Variants in RIMBP2 observed in about 807,000 individuals in gnomAD.
RIMBP2 encodes the protein RIMS binding protein 2, also known as RIMS-binding protein 2.
Under a neutral mutation model 118.6 loss-of-function variants are expected in RIMBP2, and 48 were observed. The ratio of observed to expected loss-of-function variants is 0.40; its 90% CI spans 0.32 to 0.51. RIMBP2 has a LOEUF of 0.51. RIMBP2 is among the 20% of genes least tolerant of loss of function. RIMBP2 has a pLI of 0.41. For synonymous variants in RIMBP2, 762 were observed against 742.9 expected (o/e 1.03, Z -0.42); for missense variants, 1,551 against 1,768.3 (o/e 0.88, Z 2.20).
At chr12:130,696,069 T>C (rs1449807759) in intron 1 of RIMBP2, among the ~76,000 whole-genome samples, 1 of 152,192 alleles carries the variant, frequency 6.6e-6, no homozygotes, top group Non-Finnish European at 1.5e-5. Flanking sequence ...GGGCAACTGA[T>C]CACCTACTAA....
At chr12:130,711,386 T>C (rs980543394) in intron 1 of RIMBP2, among the ~76,000 whole-genome samples, 5 of 152,248 alleles carry the variant, frequency 3.3e-5, no homozygotes, top group South Asian at 4.1e-4. Flanking sequence ...ATTTTCTAAT[T>C]TACTAATACT....
Position 130,655,860 on chromosome 12 carries a change from G to A in RIMBP2, c.-351-27404C>T, listed in dbSNP as rs117527077. Among the ~76,000 whole-genome samples, 83 of 152,344 alleles carry A rather than the reference G, an allele frequency of 5.4e-4. No homozygotes were observed. The East Asian group carries it at 0.01, about 18-fold the overall frequency. ...CAGAGCAGCTCAGGTCAAGGCACAG[G>A]CGACGGGAATGTGGGCGGAGGCACC... On this transcript the variant is annotated intron_variant, in intron 1 of 22. Transcript: ENST00000690449.
chr12:130,452,019 C>T (rs1035331446), intron 7 of RIMBP2, among the ~76,000 whole-genome samples: 6 of 152,152 alleles, frequency 3.9e-5, no homozygotes, highest in Admixed American at 1.3e-4. Context: ...GGCTGCTGAG[C>T]CCTGTCCTGG....
At chr12:130,695,558 A>C (rs1566463534) in intron 1 of RIMBP2, among the ~76,000 whole-genome samples, 1 of 152,098 alleles carries the variant, frequency 6.6e-6, no homozygotes, top group Non-Finnish European at 1.5e-5. Flanking sequence ...CCTGGGAGGG[A>C]GGGTGGTACA....
intron 4 of RIMBP2, among the ~76,000 whole-genome samples, chr12:130,482,105 C>G (rs1387694186): frequency 1.3e-5 from 2 of 152,180 alleles, no homozygotes; most frequent in East Asian, 3.9e-4. Context: ...GGGAACTCTT[C>G]TCCAAACCCT....
intron 7 of RIMBP2, among the ~76,000 whole-genome samples, chr12:130,453,226 GC>G (rs10706121): frequency 0.088 from 13,392 of 152,246 alleles, 747 homozygotes; most frequent in South Asian, 0.16. Flanking sequence ...AGCAACGCCT[GC>G]CCTCACATAC....
intron 1 of RIMBP2, among the ~76,000 whole-genome samples, chr12:130,666,689 G>C (rs1355728675): frequency 6.8e-6 from 1 of 148,098 alleles, no homozygotes; most frequent in African/African-American, 2.5e-5. Flanking sequence ...GAAGGACAAG[G>C]GAATGAGGAG....
rs1003243138 is a variant in RIMBP2 at position 130,648,974 on chromosome 12, G to T, written c.-351-20518C>A. 5.5e-5 allele frequency among the ~76,000 whole-genome samples: 8 copies of T among 145,632 alleles called. 1 individual carries two copies. Among genetic ancestry groups the T allele is most frequent in the Non-Finnish European group, 9.3e-5 (6 of 64,284 alleles). The stretch of plus-strand genomic sequence containing the variant: ...AAACGGATCGCACATGGTAATTTTT[G>T]CAGCACCACGGGTTAAATACTGTGG... On this transcript the variant is annotated intron_variant, in intron 1 of 22. Coordinates refer to ENST00000690449, the MANE Select transcript of RIMBP2 (RefSeq NM_001393629.1).
At chr12:130,689,387 C>T (rs1315543211) in intron 1 of RIMBP2, among the ~76,000 whole-genome samples, 3 of 152,128 alleles carry the variant, frequency 2.0e-5, no homozygotes, top group Admixed American at 6.6e-5. Context: ...GAGCCAAGAT[C>T]GCTCCATGGC....
rs2078158237 is a variant in RIMBP2 at position 130,441,754 on chromosome 12, C to A, written c.1504+94G>T. On this transcript the variant is annotated intron_variant, in intron 11 of 22. Coordinates refer to ENST00000690449, the MANE Select transcript of RIMBP2 (RefSeq NM_001393629.1). The stretch of plus-strand genomic sequence containing the variant: ...GGGTCATGTTGTCAGGATGGGGATT[C>A]CTGCTTCTGCCTGCCCCACCTTCCC... 3.6e-6 allele frequency: 4 copies of A among 1,110,564 alleles called. No homozygotes were observed. The African/African-American group carries it at 6.3e-5, about 17-fold the overall frequency. The allele number at this position is 1,110,564 out of a possible 1,614,324, so 68.8% of individuals were successfully genotyped here.
chr12:130,522,086 GGCC>G (rs1166509027), intron 2 of RIMBP2, among the ~76,000 whole-genome samples: 4 of 152,128 alleles, frequency 2.6e-5, no homozygotes, highest in African/African-American at 9.7e-5. Context: ...GGACTCCTAG[GGCC>G]ACATGTCCCT....
intron 17 of RIMBP2, 64 bp from the exon 18 acceptor site, chr12:130,414,370 A>T: frequency 6.8e-7 from 1 of 1,480,686 alleles, no homozygotes; most frequent in African/African-American, 1.4e-5. Flanking sequence ...GTGCACGGGA[A>T]ATGCAGCTTT....
intron 4 of RIMBP2, among the ~76,000 whole-genome samples, chr12:130,484,973 C>T (rs1339104728): frequency 1.3e-5 from 2 of 152,220 alleles, no homozygotes; most frequent in African/African-American, 2.4e-5. Flanking sequence ...TATTAATTAA[C>T]ACCCACTTCA....
At chr12:130,616,948 C>T (rs141947502) in intron 2 of RIMBP2, among the ~76,000 whole-genome samples, 136 of 152,286 alleles carry the variant, frequency 8.9e-4, no homozygotes, top group African/African-American at 2.9e-3. Flanking sequence ...TGTGGGTCCC[C>T]GCAACATGGG....
chr12:130,498,812 G>C (rs190652924), intron 4 of RIMBP2, among the ~76,000 whole-genome samples: 1 of 152,160 alleles, frequency 6.6e-6, no homozygotes, highest in African/African-American at 2.4e-5. Flanking sequence ...CCATCTGAGC[G>C]TAACTACCCA....
At chr12:130,637,838 C>G (rs566069261) in intron 1 of RIMBP2, among the ~76,000 whole-genome samples, 1 of 152,296 alleles carries the variant, frequency 6.6e-6, no homozygotes, top group Non-Finnish European at 1.5e-5. Flanking sequence ...GAGGGATGAG[C>G]AGATTCCCTG....
intron 1 of RIMBP2, among the ~76,000 whole-genome samples, chr12:130,695,216 G>T (rs182905571): frequency 6.6e-6 from 1 of 152,214 alleles, no homozygotes; most frequent in Admixed American, 6.5e-5. Flanking sequence ...TGACAAGACC[G>T]CAGGGCCCCT....
At chr12:130,545,950 C>A (rs75309684) in intron 2 of RIMBP2, among the ~76,000 whole-genome samples, 9 of 152,050 alleles carry the variant, frequency 5.9e-5, no homozygotes, top group Admixed American at 4.6e-4. Context: ...TCATTCTCAG[C>A]GCAGTAGGGA....
At chr12:130,463,175 C>T (rs187208114) in intron 6 of RIMBP2, among the ~76,000 whole-genome samples, 43 of 152,320 alleles carry the variant, frequency 2.8e-4, no homozygotes, top group African/African-American at 7.2e-5. Context: ...CCCAGGCAGG[C>T]GCATTTACAC....
Sources: allele counts gnomAD v4.1 joint callset (sites outside exome capture counted in the v4.1 genomes callset), GRCh38; gene constraint gnomAD v4.1.1; transcripts MANE v1.5; gene names NCBI Gene and HGNC (gene_info 2026-07-23, HGNC 2026-07-21).